Variants in LMBR1 observed in about 807,000 individuals in gnomAD.
LMBR1 encodes limb development membrane protein 1.
A neutral mutation model predicts 73.9 loss-of-function variants in LMBR1; 52 were observed. The ratio of observed to expected loss-of-function variants is 0.70; its 90% CI spans 0.56 to 0.89. LMBR1 has a LOEUF of 0.89. Among genes scored for constraint, LMBR1 ranks in the 40% least tolerant of loss-of-function variants. The pLI, the probability that LMBR1 is intolerant of heterozygous loss-of-function variation, is 0.00. For synonymous variants in LMBR1, 215 were observed against 209.4 expected (o/e 1.03, Z -0.23); for missense variants, 539 against 579.8 (o/e 0.93, Z 0.72).
At chr7:156,840,671 A>C (rs991508031) in intron 1 of LMBR1, among the ~76,000 whole-genome samples, 2 of 151,914 alleles carry the variant, frequency 1.3e-5, no homozygotes, top group African/African-American at 4.8e-5. Flanking sequence ...GCAGAAAATA[A>C]ACTGGAGGCC....
intron 4 of LMBR1, among the ~76,000 whole-genome samples, chr7:156,817,156 A>C (rs1834039887): frequency 6.6e-6 from 1 of 152,162 alleles, no homozygotes; most frequent in South Asian, 2.1e-4. Flanking sequence ...ATTAACTTCT[A>C]GCTCCATCTG....
chr7:156,745,717 T>C (rs1192047457), intron 9 of LMBR1, among the ~76,000 whole-genome samples: 2 of 152,226 alleles, frequency 1.3e-5, no homozygotes, highest in Non-Finnish European at 2.9e-5. Context: ...AAAATTCCAG[T>C]CTTATCCCAG....
intron 4 of LMBR1, among the ~76,000 whole-genome samples, chr7:156,797,752 C>CA (rs1295670080): frequency 1.3e-5 from 2 of 152,164 alleles, no homozygotes; most frequent in Admixed American, 1.3e-4. Flanking sequence ...GATTCACTTC[C>CA]TTTAGTAGAC....
chr7:156,732,702 G>A (rs980992210), intron 10 of LMBR1, among the ~76,000 whole-genome samples: 26 of 152,176 alleles, frequency 1.7e-4, no homozygotes, highest in Non-Finnish European at 1.2e-4. Flanking sequence ...TCTGTGGAAG[G>A]GTCTTGCCTG....
rs80238826 is a variant in LMBR1, at chr7:156,817,722, A to T, written c.319+8883T>A. Among the ~76,000 whole-genome samples, 6 of 152,224 alleles carry T rather than the reference A, an allele frequency of 3.9e-5. No individual in the cohort carries two copies. In the East Asian group the frequency reaches 1.2e-3, roughly 29 times the overall value. ...AATGCAATGTAAATACCAAAAAAAA[A>T]TGCATATCATAAAATCCTACAAAAA... On this transcript the variant is annotated intron_variant, in intron 4 of 16. Coordinates refer to ENST00000353442, the MANE Select transcript of LMBR1 (RefSeq NM_022458.4).
chr7:156,862,675 T>C (rs923880817), intron 1 of LMBR1, among the ~76,000 whole-genome samples: 1 of 152,206 alleles, frequency 6.6e-6, no homozygotes, highest in South Asian at 2.1e-4. Context: ...GGGAAATTTC[T>C]GTAAAAAGTG....
chr7:156,684,282 G>C (rs554649715), intron 16 of LMBR1, 119 bp from the exon 17 acceptor site: 2 of 776,282 alleles, frequency 2.6e-6, no homozygotes, highest in South Asian at 3.2e-5. Flanking sequence ...GCTGTGAGGT[G>C]CTGGCCAGAT....
intron 1 of LMBR1, among the ~76,000 whole-genome samples, chr7:156,850,000 T>C (rs1488368393): frequency 6.6e-6 from 1 of 152,152 alleles, no homozygotes; most frequent in East Asian, 1.9e-4. Context: ...CTCTAAAAAA[T>C]AAAGTCTAAT....
At chr7:156,698,976 G>A (rs1438854894) in intron 15 of LMBR1, among the ~76,000 whole-genome samples, 5 of 152,174 alleles carry the variant, frequency 3.3e-5, no homozygotes, top group Non-Finnish European at 7.4e-5. Flanking sequence ...TGTTTTAAAT[G>A]TTTTATGTTT....
chr7:156,803,153 G>T (rs1831318260), intron 4 of LMBR1, among the ~76,000 whole-genome samples: 1 of 152,146 alleles, frequency 6.6e-6, no homozygotes, highest in Non-Finnish European at 1.5e-5. Context: ...TGACAAATGG[G>T]ATCTAATTAA....
In LMBR1 at chr7:156,670,434, T is replaced by C. The variant is rs1308833679; in HGVS notation, n.867-1147A>G. 6.6e-6 allele frequency among the ~76,000 whole-genome samples: 1 copy of C among 152,122 alleles called. No homozygotes were observed. The highest frequency in any genetic ancestry group is 1.5e-5 in the Non-Finnish European group (1 of 68,038). On this transcript the variant is annotated intron_variant and non_coding_transcript_variant, in intron 4 of 4. Coordinates refer to the LMBR1 transcript ENST00000430825. The surrounding 1 kb of genome is among the most constrained non-coding windows in gnomAD (Gnocchi z 4.3). ...GTGGCGCAGGATGTCACTGTCAGAA[T>C]TTGAAGAGAAAAGAGAACACGTGGG...
intron 8 of LMBR1, among the ~76,000 whole-genome samples, chr7:156,758,971 G>A (rs929495682): frequency 6.6e-6 from 1 of 152,094 alleles, no homozygotes; most frequent in Non-Finnish European, 1.5e-5. Context: ...GAAATGTTAC[G>A]TGCCTTCAAA....
intron 5 of LMBR1, among the ~76,000 whole-genome samples, chr7:156,770,964 T>TA (rs1340037145): frequency 6.6e-6 from 1 of 151,004 alleles, no homozygotes; most frequent in Non-Finnish European, 1.5e-5. Context: ...GTAAGTATAA[T>TA]AAAAAAGAGC....
chr7:156,873,381 G>A (rs969008983), intron 1 of LMBR1, among the ~76,000 whole-genome samples: 1 of 152,184 alleles, frequency 6.6e-6, no homozygotes, highest in Non-Finnish European at 1.5e-5. Flanking sequence ...GCTCATAAAA[G>A]CAGCGTGGAC....
chr7:156,871,331 C>T (rs181063124), intron 1 of LMBR1, among the ~76,000 whole-genome samples: 3 of 152,166 alleles, frequency 2.0e-5, no homozygotes, highest in African/African-American at 7.2e-5. Context: ...AGCCCAGGAC[C>T]AGATGGTTTC....
At chr7:156,815,819 CT>C (rs1310663233) in intron 4 of LMBR1, among the ~76,000 whole-genome samples, 1 of 152,002 alleles carries the variant, frequency 6.6e-6, no homozygotes, top group Admixed American at 6.5e-5. Context: ...GTCCACTATG[CT>C]TTTATATTCA....
intron 1 of LMBR1, among the ~76,000 whole-genome samples, chr7:156,860,357 T>C (rs1449414266): frequency 6.6e-6 from 1 of 152,156 alleles, no homozygotes; most frequent in Non-Finnish European, 1.5e-5. Context: ...CTCATGAGAC[T>C]TATTCACTAT....
In LMBR1 at chr7:156,684,174, A is replaced by T. The variant is rs1805519274; in HGVS notation, c.1388-11T>A. 1.2e-6 allele frequency: 2 copies of T among 1,605,140 alleles called. No homozygotes were observed. Among genetic ancestry groups the T allele is most frequent in the Non-Finnish European group, 1.7e-6 (2 of 1,171,810 alleles). ...GAAGTTTATGAAGCCCTGCAAAAAA[A>T]TTAAGAAAATGGTGAGAAATGATAT... On this transcript the variant is annotated splice_polypyrimidine_tract_variant and intron_variant, in intron 16 of 16. Transcript: ENST00000353442.
Position 156,736,687 on chromosome 7 carries a change from T to C in LMBR1, c.758-2430A>G, listed in dbSNP as rs1817935011. 6 of 430,972 alleles carry C rather than the reference T, an allele frequency of 1.4e-5. No individual in the cohort carries two copies. In the Middle Eastern group the frequency reaches 1.3e-3, roughly 96 times the overall value. 26.7% of individuals were successfully genotyped at this position (430,972 alleles called of 1,614,324 possible). ...TCCTCCCTTTCTCTCAATATGGCCATAATGCTCATTTTAGCTAGATTGATA... is the reference window on the plus strand; with the variant it reads ...TCCTCCCTTTCTCTCAATATGGCCACAATGCTCATTTTAGCTAGATTGATA... On this transcript the variant is annotated intron_variant, in intron 9 of 16. Transcript: ENST00000353442.
Sources: gnomAD v4.1 joint callset for allele counts (sites outside exome capture counted in the v4.1 genomes callset) on GRCh38, gnomAD v4.1.1 for gene constraint, Gnocchi (gnomAD v3.1) non-coding constraint, MANE v1.5 for transcripts, NCBI Gene and HGNC (gene_info 2026-07-23, HGNC 2026-07-21) for gene names.